GPC5: variants seen among roughly 807,000 people sequenced by gnomAD.
GPC5 encodes glypican 5.
In GPC5, 47 loss-of-function variants were observed where a neutral mutation model predicts 53.9. That is an observed-to-expected ratio of 0.87 (90% CI 0.69 to 1.11). GPC5 has a LOEUF of 1.11. Ranked by LOEUF, GPC5 falls within the 50% of genes most tolerant of loss-of-function variation. The pLI is 0.00. For synonymous variants in GPC5, 286 were observed against 263.3 expected (o/e 1.09, Z -0.84); for missense variants, 748 against 713.1 (o/e 1.05, Z -0.56).
intron 7 of GPC5, among the ~76,000 whole-genome samples, chr13:92,553,907 A>G (rs1435185176): frequency 1.3e-5 from 2 of 151,962 alleles, no homozygotes; most frequent in African/African-American, 4.8e-5. Context: ...TAATGACATC[A>G]CACATTTATG....
At position 92,412,796 on chromosome 13, in the gene GPC5, C is replaced by T. The variant is rs140526882; in HGVS notation, c.1561+267807C>T. Among the ~76,000 whole-genome samples the T allele has an allele frequency of 6.6e-3, 1,002 of 152,176 alleles. 9 individuals are homozygous for T. Among genetic ancestry groups the T allele is most frequent in the South Asian group, 0.019 (90 of 4,816 alleles). On this transcript the variant is annotated intron_variant, in intron 7 of 7. Coordinates refer to ENST00000377067, the MANE Select transcript of GPC5 (RefSeq NM_004466.6). ...ATACTTTACCTCTCTACTGAAATAT[C>T]GATGTGTTTATATAGATAGATACAT...
chr13:92,407,643 T>C (rs529834491), intron 7 of GPC5, among the ~76,000 whole-genome samples: 5 of 152,318 alleles, frequency 3.3e-5, no homozygotes, highest in African/African-American at 1.2e-4. Flanking sequence ...ATACATATGG[T>C]ATTCTTATGT....
At chr13:91,727,831 A>T (rs2036607494) in intron 3 of GPC5, among the ~76,000 whole-genome samples, 1 of 152,154 alleles carries the variant, frequency 6.6e-6, no homozygotes, top group African/African-American at 2.4e-5. Flanking sequence ...GTATCATATA[A>T]ATCTTTTTGA....
intron 1 of GPC5, among the ~76,000 whole-genome samples, chr13:91,436,071 CTG>C (rs1879919669): frequency 6.6e-6 from 1 of 152,104 alleles, no homozygotes; most frequent in South Asian, 2.1e-4. Flanking sequence ...TTAGATTCTT[CTG>C]TCTTTTCTTC....
chr13:91,562,372 G>A (rs1432116331), intron 2 of GPC5, among the ~76,000 whole-genome samples: 1 of 151,976 alleles, frequency 6.6e-6, no homozygotes, highest in Non-Finnish European at 1.5e-5. Flanking sequence ...AGTACATGGG[G>A]GAGTTCTCCA....
intron 7 of GPC5, among the ~76,000 whole-genome samples, chr13:92,437,933 T>C (rs1566590318): frequency 6.6e-6 from 1 of 152,162 alleles, no homozygotes; most frequent in Non-Finnish European, 1.5e-5. Flanking sequence ...CGAATTACAG[T>C]GGGCCCACAT....
intron 5 of GPC5, among the ~76,000 whole-genome samples, chr13:91,850,434 C>A (rs2138889522): frequency 6.6e-6 from 1 of 152,154 alleles, no homozygotes; most frequent in Non-Finnish European, 1.5e-5. Flanking sequence ...TTAATGCTGC[C>A]CTCTGCCCTT....
chr13:92,330,533 T>C (rs1024341989), intron 7 of GPC5, among the ~76,000 whole-genome samples: 2 of 152,148 alleles, frequency 1.3e-5, no homozygotes, highest in South Asian at 2.1e-4. Flanking sequence ...TGCAGAAATA[T>C]ATAAAAATAT....
chr13:92,444,272 T>C (rs1877702464), intron 7 of GPC5, among the ~76,000 whole-genome samples: 1 of 152,168 alleles, frequency 6.6e-6, no homozygotes, highest in African/African-American at 2.4e-5. Flanking sequence ...AGGGCACAGT[T>C]TGTGTCAGGA....
intron 7 of GPC5, among the ~76,000 whole-genome samples, chr13:92,178,181 C>A (rs2042121872): frequency 6.6e-6 from 1 of 152,146 alleles, no homozygotes; most frequent in African/African-American, 2.4e-5. Context: ...GAGCCTAGTA[C>A]TGTCACAGCA....
chr13:91,653,345 T>C (rs577549946), intron 2 of GPC5, among the ~76,000 whole-genome samples: 1 of 151,962 alleles, frequency 6.6e-6, no homozygotes, highest in Non-Finnish European at 1.5e-5. Context: ...CTCATGAACA[T>C]AGAGAGTAGC....
At position 91,900,063 on chromosome 13, in the gene GPC5, G is replaced by A. The variant is rs554185544; in HGVS notation, c.1281-7874G>A. Among the ~76,000 whole-genome samples, 4 of 152,004 alleles carry A rather than the reference G, an allele frequency of 2.6e-5. No homozygotes were observed. In the South Asian group the frequency reaches 8.3e-4, roughly 32 times the overall value. ...ATATGTTGGTAATCTTAGAATTATC[G>A]TATCTTGCAAGTAATTTTAAAGTAT... On this transcript the variant is annotated intron_variant, in intron 5 of 7. Transcript: ENST00000377067.
In GPC5 at chr13:92,866,519, T is replaced by G. The variant is rs998545168; in HGVS notation, c.*80T>G. 13 of 1,106,394 alleles carry G rather than the reference T, an allele frequency of 1.2e-5. No individual in the cohort carries two copies. In the African/African-American group the frequency reaches 2.1e-4, roughly 18 times the overall value. 68.5% of individuals were successfully genotyped at this position (1,106,394 alleles called of 1,614,324 possible). Reference sequence around the variant, plus strand: ...GCATATGCCTGGAATAAGAGATCCTTTTTCAATGTAACAATTATATTTATG... The same window carrying G: ...GCATATGCCTGGAATAAGAGATCCTGTTTCAATGTAACAATTATATTTATG... On this transcript the variant is annotated 3_prime_UTR_variant, in exon 8 of 8. Transcript: ENST00000377067.
chr13:92,467,872 A>G (rs934679053), intron 7 of GPC5, among the ~76,000 whole-genome samples: 26 of 152,274 alleles, frequency 1.7e-4, no homozygotes, highest in Middle Eastern at 3.4e-3. Context: ...GGAGCTTTAA[A>G]TAGGCTTGAT....
intron 7 of GPC5, among the ~76,000 whole-genome samples, chr13:92,208,351 T>A (rs1354735598): frequency 6.6e-6 from 1 of 152,176 alleles, no homozygotes; most frequent in African/African-American, 2.4e-5. Flanking sequence ...CCTATATGGG[T>A]GGGCTGTTGG....
chr13:92,720,861 C>G (rs1955175692), intron 7 of GPC5, among the ~76,000 whole-genome samples: 1 of 152,074 alleles, frequency 6.6e-6, no homozygotes, highest in Admixed American at 6.6e-5. Context: ...ATCATCTACC[C>G]AGGGGACCAT....
At chr13:91,845,581 A>T (rs2138880224) in intron 5 of GPC5, among the ~76,000 whole-genome samples, 1 of 152,272 alleles carries the variant, frequency 6.6e-6, no homozygotes, top group South Asian at 2.1e-4. Context: ...AACTTTCATG[A>T]GTAAATATAG....
chr13:91,601,418 C>T (rs1033177293), intron 2 of GPC5, among the ~76,000 whole-genome samples: 1 of 152,064 alleles, frequency 6.6e-6, no homozygotes, highest in Non-Finnish European at 1.5e-5. Context: ...GCTAAGAGGT[C>T]GTGAATGAGA....
intron 7 of GPC5, among the ~76,000 whole-genome samples, chr13:92,489,291 T>A (rs1288997461): frequency 6.6e-6 from 1 of 152,216 alleles, no homozygotes; most frequent in Non-Finnish European, 1.5e-5. Flanking sequence ...AGTATTAGTA[T>A]GTGCAGGGCT....
Sources: gnomAD v4.1 joint callset for allele counts (sites outside exome capture counted in the v4.1 genomes callset) on GRCh38, gnomAD v4.1.1 for gene constraint, MANE v1.5 for transcripts, NCBI Gene and HGNC (gene_info 2026-07-23, HGNC 2026-07-21) for gene names.